Variants in MAP2K3 observed in about 807,000 individuals in gnomAD.
The protein encoded by MAP2K3 is dual specificity mitogen-activated protein kinase kinase 3.
MAP2K3 carries 30 observed loss-of-function variants against 46.4 expected under a neutral mutation model. The ratio of observed to expected loss-of-function variants is 0.65; its 90% CI spans 0.48 to 0.88. The LOEUF is 0.88. Ranked by LOEUF, MAP2K3 falls within the 40% of genes least tolerant of loss-of-function variation. MAP2K3 has a pLI of 0.00. For synonymous variants in MAP2K3, 189 were observed against 176.3 expected (o/e 1.07, Z -0.57); for missense variants, 380 against 464.5 (o/e 0.82, Z 1.67).
chr17:21,307,845 CTTTTTTTTTT>C (rs35690616), intron 9 of MAP2K3, among the ~76,000 whole-genome samples: 8 of 104,796 alleles, frequency 7.6e-5, no homozygotes, highest in African/African-American at 2.6e-4. Flanking sequence ...GCCCGGCTAT[CTTTTTTTTTT>C]TTTTTTTTTT....
At chr17:21,295,813 A>G (rs1469172799) in intron 1 of MAP2K3, 9 of 1,289,652 alleles carry the variant, frequency 7.0e-6, no homozygotes, top group Non-Finnish European at 7.1e-6. Flanking sequence ...ACATGATACA[A>G]CATTCCCAAA....
intron 9 of MAP2K3, among the ~76,000 whole-genome samples, chr17:21,306,996 G>A (rs1399297295): frequency 6.6e-6 from 1 of 152,308 alleles, no homozygotes; most frequent in Non-Finnish European, 1.5e-5. Flanking sequence ...ATGTTGCCCA[G>A]GCTGGTCTTG....
At chr17:21,298,314 G>T in intron 1 of MAP2K3, 99 bp from the exon 2 acceptor site, 1 of 1,542,838 alleles carries the variant, frequency 6.5e-7, no homozygotes, top group Non-Finnish European at 9.0e-7. Context: ...GATGGCAGAG[G>T]CTGGCACCCT....
rs1416889464 is a variant in MAP2K3 at position 21,315,061 on chromosome 17, C to T, written c.*831C>T. The T allele has an allele frequency of 1.3e-5, 2 of 152,514 alleles. No individual in the cohort carries two copies. Among genetic ancestry groups the T allele is most frequent in the Admixed American group, 6.5e-5 (1 of 15,272 alleles). 9.4% of individuals were successfully genotyped at this position (152,514 alleles called of 1,614,324 possible). On this transcript the variant is annotated 3_prime_UTR_variant, in exon 12 of 12. Transcript: ENST00000342679. ...GAGAAGTGCAGGGGGAGCCTTCCAG[C>T]TCACTCTCCCTGAGGACTGGCTTGA... is the stretch of plus-strand genomic sequence containing the variant.
intron 5 of MAP2K3, 85 bp from the exon 6 acceptor site, chr17:21,302,058 T>A: frequency 7.4e-7 from 1 of 1,354,484 alleles, no homozygotes; most frequent in Non-Finnish European, 1.1e-6. Context: ...GGGCTGGGGC[T>A]GGGGCTGGTG....
chr17:21,300,510 T>C (rs1247449317), intron 3 of MAP2K3, 35 bp from the exon 4 acceptor site: 2 of 1,578,146 alleles, frequency 1.3e-6, no homozygotes, highest in Non-Finnish European at 1.7e-6. Flanking sequence ...GGCTTCCAGC[T>C]TGCTGGCCAC....
chr17:21,304,301 C>G (rs1976767309), intron 7 of MAP2K3, 125 bp from the exon 8 acceptor site: 1 of 1,551,402 alleles, frequency 6.4e-7, no homozygotes, highest in African/African-American at 1.3e-5. Flanking sequence ...AACCTGCCCA[C>G]TGGGGCATGG....
chr17:21,295,759 G>A (rs1414073646), intron 1 of MAP2K3: 1 of 1,289,624 alleles, frequency 7.8e-7, no homozygotes, highest in South Asian at 1.2e-5. Flanking sequence ...ATGTGCAAGT[G>A]CCCTTGACAG....
rs759577279 is a variant in MAP2K3, at chr17:21,303,281, A to C, written c.568+47A>C. The C allele has an allele frequency of 2.7e-5, 44 of 1,612,608 alleles. No individual in the cohort carries two copies. In the East Asian group the frequency reaches 9.4e-4, roughly 34 times the overall value. On this transcript the variant is annotated intron_variant, in intron 7 of 11. Coordinates refer to ENST00000342679, the MANE Select transcript of MAP2K3 (RefSeq NM_145109.3). Reference sequence around the variant, plus strand: ...AGGCACGGTGTAGCCAGTGGGAGGGATCCCAGGCCAAGGCGGGTGGACGTC... The same window carrying C: ...AGGCACGGTGTAGCCAGTGGGAGGGCTCCCAGGCCAAGGCGGGTGGACGTC...
chr17:21,288,832 G>A (rs971517257), intron 1 of MAP2K3, among the ~76,000 whole-genome samples: 8 of 152,220 alleles, frequency 5.3e-5, no homozygotes, highest in African/African-American at 1.9e-4. Flanking sequence ...GCAGGAAGCC[G>A]GGGGTCCTGG....
chr17:21,305,823 C>T (rs1170006714), intron 9 of MAP2K3, among the ~76,000 whole-genome samples: 5 of 152,412 alleles, frequency 3.3e-5, no homozygotes, highest in South Asian at 2.1e-4. Flanking sequence ...GCAGGAGACG[C>T]GTGGAAGGAC....
chr17:21,308,292 C>T (rs1397555455), intron 9 of MAP2K3, among the ~76,000 whole-genome samples: 1 of 152,406 alleles, frequency 6.6e-6, no homozygotes, highest in Middle Eastern at 3.4e-3. Flanking sequence ...GGATTACAGG[C>T]ATTTGCCACC....
intron 10 of MAP2K3, among the ~76,000 whole-genome samples, chr17:21,312,890 C>T (rs74334376): frequency 3.4e-5 from 5 of 148,912 alleles, no homozygotes; most frequent in Non-Finnish European, 5.9e-5. Flanking sequence ...CACTGCACTC[C>T]AGCATGGGTG....
intron 1 of MAP2K3, among the ~76,000 whole-genome samples, chr17:21,286,589 G>T (rs1354726616): frequency 6.6e-6 from 1 of 152,248 alleles, no homozygotes; most frequent in Non-Finnish European, 1.5e-5. Context: ...CACAGACCTC[G>T]TGGAGCTTGG....
intron 1 of MAP2K3, among the ~76,000 whole-genome samples, chr17:21,290,411 C>A (rs1370643874): frequency 6.6e-6 from 1 of 152,284 alleles, no homozygotes; most frequent in African/African-American, 2.4e-5. Flanking sequence ...ACACGGCATC[C>A]CGGATGGCTG....
In MAP2K3 at chr17:21,300,587, C is replaced by T. The variant is rs1401085699; in HGVS notation, c.208C>T (p.Leu70=). ...EADDLVTISE[L]GRGAYGVVEK... The stretch of plus-strand genomic sequence containing the variant: ...TGATGACTTGGTGACCATCTCAGAA[C>T]TGGGCCGTGGAGCCTATGGGGTGGT... Residue 70 remains leucine, a synonymous_variant, in exon 4 of 12, where the codon CTG becomes TTG. Coordinates refer to ENST00000342679, the MANE Select transcript of MAP2K3 (RefSeq NM_145109.3). 8 of 1,613,126 alleles carry T rather than the reference C, an allele frequency of 5.0e-6. No homozygotes were observed. The highest frequency in any genetic ancestry group is 6.8e-6 in the Non-Finnish European group (8 of 1,179,632).
At chr17:21,288,281 C>T (rs1206568386) in intron 1 of MAP2K3, among the ~76,000 whole-genome samples, 3 of 152,366 alleles carry the variant, frequency 2.0e-5, no homozygotes, top group Admixed American at 6.5e-5. Context: ...CTGGGAACCC[C>T]TGGGCAGGCC....
intron 1 of MAP2K3, chr17:21,295,636 C>A (rs1181332611): frequency 7.8e-7 from 1 of 1,289,162 alleles, no homozygotes; most frequent in East Asian, 5.5e-5. Flanking sequence ...CCCCATGGAG[C>A]CTGTGGCCCT....
chr17:21,292,501 C>T (rs1163728631), intron 1 of MAP2K3, among the ~76,000 whole-genome samples: 2 of 152,308 alleles, frequency 1.3e-5, no homozygotes, highest in South Asian at 2.1e-4. Context: ...GGACTACAGG[C>T]ACGCACCACC....
Sources: allele counts gnomAD v4.1 joint callset (sites outside exome capture counted in the v4.1 genomes callset), GRCh38; gene constraint gnomAD v4.1.1; transcripts MANE v1.5; gene names NCBI Gene and HGNC (gene_info 2026-07-23, HGNC 2026-07-21).